Variants in POC1B observed in about 807,000 individuals in gnomAD.
POC1B encodes the protein POC1 centriolar protein B.
POC1B carries 44 observed loss-of-function variants against 60.6 expected under a neutral mutation model. The ratio of observed to expected loss-of-function variants is 0.73; its 90% CI spans 0.57 to 0.93. POC1B has a LOEUF of 0.93. Ranked by LOEUF, POC1B falls within the 40% of genes least tolerant of loss-of-function variation. The probability of loss-of-function intolerance (pLI) is 0.00; values close to 1 mark genes in which losing one functional copy is unlikely to be tolerated. For missense variants in POC1B, 555 were observed against 572.3 expected, an observed-to-expected ratio of 0.97 and a Z score of 0.31; for synonymous variants, 180 against 198.9, an observed-to-expected ratio of 0.90 and a Z score of 0.80.
chr12:89,426,152 G>A (rs576414000), intron 10 of POC1B: 4 of 152,216 alleles, frequency 2.6e-5, no homozygotes, highest in African/African-American at 4.8e-5. Flanking sequence ...CAAAGACTAT[G>A]TGACTGCACT....
chr12:89,508,711 C>A (rs889520075), intron 2 of POC1B, among the ~76,000 whole-genome samples: 1 of 152,016 alleles, frequency 6.6e-6, no homozygotes, highest in Non-Finnish European at 1.5e-5. Flanking sequence ...GGGGGAGGGA[C>A]CTTGTGGGAG....
intron 4 of POC1B, among the ~76,000 whole-genome samples, chr12:89,480,456 C>T (rs943572048): frequency 4.6e-5 from 7 of 150,818 alleles, no homozygotes; most frequent in Non-Finnish European, 8.8e-5. Context: ...GAGTCTCACT[C>T]TGCTGCCAGT....
chr12:89,518,212 C>T (rs1009513821), intron 2 of POC1B, among the ~76,000 whole-genome samples: 1 of 152,014 alleles, frequency 6.6e-6, no homozygotes, highest in Admixed American at 6.6e-5. Context: ...CAGTAATCTC[C>T]ACCTCCTGTC....
chr12:89,450,762 TG>T (rs1882005924), intron 10 of POC1B, among the ~76,000 whole-genome samples: 1 of 152,246 alleles, frequency 6.6e-6, no homozygotes, highest in South Asian at 2.1e-4. Context: ...GTCATGTTGA[TG>T]TTGTTATTAC....
intron 10 of POC1B, among the ~76,000 whole-genome samples, chr12:89,448,144 A>G (rs1357015510): frequency 1.3e-5 from 2 of 152,128 alleles, no homozygotes; most frequent in Non-Finnish European, 2.9e-5. Context: ...AGCTGTGTTT[A>G]AAAATAAAAG....
At chr12:89,494,773 A>G (rs916000760) in intron 3 of POC1B, among the ~76,000 whole-genome samples, 1 of 152,140 alleles carries the variant, frequency 6.6e-6, no homozygotes, top group Non-Finnish European at 1.5e-5. Flanking sequence ...CCTGCTGGAG[A>G]GACGGCACAT....
intron 7 of POC1B, among the ~76,000 whole-genome samples, chr12:89,468,634 CT>C (rs1461810592): frequency 6.6e-6 from 1 of 150,990 alleles, no homozygotes; most frequent in Non-Finnish European, 1.5e-5. Context: ...TTATTTTGTA[CT>C]TTTTTCATGG....
chr12:89,500,660 G>A (rs1245334128), intron 2 of POC1B: 2 of 1,559,802 alleles, frequency 1.3e-6, no homozygotes, highest in Admixed American at 1.7e-5. Flanking sequence ...TGAAAATTCA[G>A]TAAATATGCT....
intron 2 of POC1B, chr12:89,523,518 C>T (rs1871115343): frequency 6.2e-7 from 1 of 1,608,554 alleles, no homozygotes. Context: ...ACTGCCACAC[C>T]CTAAAAGACA....
At chr12:89,494,253 G>A (rs1023151335) in intron 3 of POC1B, among the ~76,000 whole-genome samples, 1 of 151,938 alleles carries the variant, frequency 6.6e-6, no homozygotes, top group African/African-American at 2.4e-5. Context: ...GTCTCGCTAT[G>A]TTGCCCATGC....
intron 2 of POC1B, chr12:89,524,075 A>C: frequency 6.2e-7 from 1 of 1,613,906 alleles, no homozygotes; most frequent in Non-Finnish European, 8.5e-7. Flanking sequence ...GAAGTTTCTA[A>C]AACACTGTGA....
chr12:89,491,262 A>G (rs1868952515), intron 4 of POC1B, among the ~76,000 whole-genome samples: 1 of 152,010 alleles, frequency 6.6e-6, no homozygotes, highest in Non-Finnish European at 1.5e-5. Context: ...TCTCTGTCCA[A>G]AGGTCACCCT....
the POC1B span, among the ~76,000 whole-genome samples, chr12:89,403,665 C>A: frequency 1.3e-5 from 2 of 152,170 alleles, no homozygotes; most frequent in African/African-American, 4.8e-5. Context: ...ATGTTCTAAT[C>A]TCCATTCTAA....
At chr12:89,512,836 G>A (rs970694200) in intron 2 of POC1B, among the ~76,000 whole-genome samples, 3 of 152,120 alleles carry the variant, frequency 2.0e-5, no homozygotes, top group Non-Finnish European at 4.4e-5. Context: ...AGTGAGGTTA[G>A]GTAACTGGTC....
the POC1B span, among the ~76,000 whole-genome samples, chr12:89,410,517 A>G: frequency 1.3e-5 from 2 of 152,002 alleles, no homozygotes; most frequent in South Asian, 4.1e-4. Flanking sequence ...CATCTCTACT[A>G]AAAATACAAA....
intron 4 of POC1B, among the ~76,000 whole-genome samples, chr12:89,478,269 C>T (rs958830884): frequency 3.3e-5 from 5 of 152,204 alleles, no homozygotes; most frequent in African/African-American, 4.8e-5. Context: ...CAGGCATGTG[C>T]CACCATATCT....
chr12:89,443,956 T>G (rs1439515501), intron 10 of POC1B, among the ~76,000 whole-genome samples: 1 of 151,844 alleles, frequency 6.6e-6, no homozygotes, highest in East Asian at 1.9e-4. Flanking sequence ...CAAACTACCA[T>G]CAGAAAATAA....
At chr12:89,407,755 T>C in the POC1B span, among the ~76,000 whole-genome samples, 1 of 152,204 alleles carries the variant, frequency 6.6e-6, no homozygotes, top group African/African-American at 2.4e-5. Context: ...ATTGTTACAA[T>C]GAGGCTAAAA....
downstream of POC1B, among the ~76,000 whole-genome samples, chr12:89,414,785 T>C (rs1329447281): frequency 6.6e-6 from 1 of 152,230 alleles, no homozygotes; most frequent in Non-Finnish European, 1.5e-5. Flanking sequence ...AGCAGCCAAC[T>C]ATTTCTACCC....
Sources: allele counts gnomAD v4.1 joint callset (sites outside exome capture counted in the v4.1 genomes callset), GRCh38; gene constraint gnomAD v4.1.1; transcripts MANE v1.5; gene names NCBI Gene and HGNC (gene_info 2026-07-23, HGNC 2026-07-21).